G3BP2: variants seen among roughly 807,000 people sequenced by gnomAD.
G3BP2 encodes the protein ras GTPase-activating protein-binding protein 2.
In G3BP2, 11 loss-of-function variants were observed where a neutral mutation model predicts 56.7. That is an observed-to-expected ratio of 0.19 (90% confidence interval 0.12 to 0.32). The LOEUF is 0.32. Among genes scored for constraint, G3BP2 ranks in the 10% least tolerant of loss-of-function variants. The pLI, the probability that G3BP2 is intolerant of heterozygous loss-of-function variation, is 1.00. For missense variants in G3BP2, 340 were observed against 610.9 expected (o/e 0.56, Z 4.67); for synonymous variants, 165 against 191.6 (o/e 0.86, Z 1.15).
intron 3 of G3BP2, 150 bp downstream of exon 3, chr4:75,658,693 C>T: frequency 1.6e-6 from 1 of 617,950 alleles, no homozygotes; most frequent in Non-Finnish European, 2.9e-6. Context: ...CACCACTGCA[C>T]TCCAGCCTGG....
At position 75,645,415 on chromosome 4, in the gene G3BP2, G is replaced by A. The variant is rs1171367979; in HGVS notation, c.*15C>T. ...AATAATGTACCACTGCCAAGACTTTGCCAACAGTGGAGCTTCAGCGACGCT... is the reference window on the plus strand; with the variant it reads ...AATAATGTACCACTGCCAAGACTTTACCAACAGTGGAGCTTCAGCGACGCT... On this transcript the variant is annotated 3_prime_UTR_variant, in exon 12 of 12. Coordinates refer to ENST00000359707, the MANE Select transcript of G3BP2 (RefSeq NM_203505.3). 10 of 1,605,884 alleles carry A rather than the reference G, an allele frequency of 6.2e-6. No individual in the cohort carries two copies. The highest frequency in any genetic ancestry group is 1.7e-5 in the Admixed American group (1 of 58,746).
At chr4:75,723,305 T>G (rs1408991356) in intron 1 of G3BP2, among the ~76,000 whole-genome samples, 2 of 152,162 alleles carry the variant, frequency 1.3e-5, no homozygotes, top group Non-Finnish European at 2.9e-5. Context: ...TGGAGGATTT[T>G]AAGAGGAATG....
Position 75,645,374 on chromosome 4 carries a change from G to C in G3BP2, c.*56C>G. On this transcript the variant is annotated 3_prime_UTR_variant, in exon 12 of 12. Transcript: ENST00000359707. ...CCAAAGCCAAAAAAAAAATTAACAAGAATGCAAACACGATGAATAATGTAC... is the reference window on the plus strand; with the variant it reads ...CCAAAGCCAAAAAAAAAATTAACAACAATGCAAACACGATGAATAATGTAC... 6.7e-7 allele frequency: 1 copy of C among 1,495,142 alleles called. No individual in the cohort carries two copies. Among genetic ancestry groups the C allele is most frequent in the Non-Finnish European group, 9.0e-7 (1 of 1,107,336 alleles). 92.6% of individuals were successfully genotyped at this position (1,495,142 alleles called of 1,614,324 possible).
At chr4:75,678,603 C>A (rs1367718959) in intron 3 of G3BP2, among the ~76,000 whole-genome samples, 1 of 152,072 alleles carries the variant, frequency 6.6e-6, no homozygotes, top group Non-Finnish European at 1.5e-5. Context: ...TCACTTGAAC[C>A]CAGGAGTTTG....
chr4:75,657,737 TA>T lies in G3BP2; in HGVS notation c.178-8del. 6.3e-7 allele frequency: 1 copy of T among 1,587,446 alleles called. No homozygotes were observed. Among genetic ancestry groups the T allele is most frequent in the Non-Finnish European group, 8.6e-7 (1 of 1,158,942 alleles). ...ATACTTTGTGGTGTATATCCTTTAT[TA>T]GGGAGGGAGGGAAAAATATAAACTC... On this transcript the variant is annotated splice_polypyrimidine_tract_variant and splice_region_variant and intron_variant, in intron 3 of 11. Coordinates refer to ENST00000359707, the MANE Select transcript of G3BP2 (RefSeq NM_203505.3).
In G3BP2 at chr4:75,648,733, G is replaced by A. The variant is rs139334533; in HGVS notation, c.834C>T (p.Val278=). The change falls in exon 9 of 12, where the codon GTC becomes GTT. Residue 278 remains valine (V), a synonymous_variant. Coordinates refer to ENST00000359707, the MANE Select transcript of G3BP2 (RefSeq NM_203505.3). The stretch of plus-strand genomic sequence containing the variant: ...GAGATTGAACTTCTGGTTTAGCTTC[G>A]ACTCTTGGCTAAAATATAAAGAAAA... The part of the protein sequence containing the change: ...HVKAPVSQPR[V]EAKPEVQSQP... 9.9e-4 allele frequency: 1,581 copies of A among 1,595,930 alleles called. 7 individuals are homozygous for A. Among genetic ancestry groups the A allele is most frequent in the Middle Eastern group, 1.7e-3 (10 of 6,000 alleles).
In G3BP2 at chr4:75,683,021, T is replaced by C. The variant is rs1272196357; in HGVS notation, c.-24-20972A>G. ...AGAAAGAAAGAAATCATGCAGCTGA[T>C]AGACACAGCGCATTGTGACTTTCTT... On this transcript the variant is annotated intron_variant, in intron 3 of 3. Transcript: ENST00000499709. Among the ~76,000 whole-genome samples, 7 of 151,016 alleles carry C rather than the reference T, an allele frequency of 4.6e-5. No homozygotes were observed. The East Asian group carries it at 1.4e-3, about 30-fold the overall frequency.
chr4:75,693,652 G>C (rs1024151752), intron 3 of G3BP2, among the ~76,000 whole-genome samples: 1 of 151,922 alleles, frequency 6.6e-6, no homozygotes, highest in Non-Finnish European at 1.5e-5. Context: ...AGCTGGGCGC[G>C]GTGGCGGGCA....
At chr4:75,673,587 CG>C, upstream of G3BP2, 1 of 1,231,880 alleles carries the variant, frequency 8.1e-7, no homozygotes, top group Admixed American at 4.2e-5. Flanking sequence ...CGCTCGCGCC[CG>C]GAAAGCCGGG....
intron 11 of G3BP2, among the ~76,000 whole-genome samples, chr4:75,645,954 G>A (rs1314544566): frequency 1.3e-5 from 2 of 152,104 alleles, no homozygotes; most frequent in East Asian, 1.9e-4. Flanking sequence ...GGGATTATAG[G>A]TGTCTACCAC....
chr4:75,720,185 C>T (rs1388613942), intron 3 of G3BP2, among the ~76,000 whole-genome samples: 1 of 151,928 alleles, frequency 6.6e-6, no homozygotes, highest in Non-Finnish European at 1.5e-5. Flanking sequence ...CTTTCTTGGA[C>T]TCTCCTCTCC....
At chr4:75,665,642 CAAACACACAA>C (rs765641802) in intron 1 of G3BP2, among the ~76,000 whole-genome samples, 9 of 26,062 alleles carry the variant, frequency 3.5e-4, no homozygotes, top group Non-Finnish European at 7.9e-4. Flanking sequence ...CACACACACA[CAAACACACAA>C]ACAAACACAC....
intron 2 of G3BP2, among the ~76,000 whole-genome samples, chr4:75,722,140 G>A (rs1422253722): frequency 6.6e-6 from 1 of 152,044 alleles, no homozygotes; most frequent in Non-Finnish European, 1.5e-5. Flanking sequence ...CTCTTCCTCT[G>A]AAATAAGGAG....
At chr4:75,685,511 A>AC (rs1296763965) in intron 3 of G3BP2, among the ~76,000 whole-genome samples, 1 of 151,960 alleles carries the variant, frequency 6.6e-6, no homozygotes, top group East Asian at 1.9e-4. Flanking sequence ...AAAAAAAAAA[A>AC]AAAAAAACCA....
upstream of G3BP2, chr4:75,674,067 A>C (rs1166688264): frequency 6.6e-6 from 1 of 152,250 alleles, no homozygotes; most frequent in African/African-American, 2.4e-5. Flanking sequence ...TAAAGCTAAA[A>C]GAAGGCCTGA....
upstream of G3BP2, among the ~76,000 whole-genome samples, chr4:75,677,679 C>A (rs1383807054): frequency 1.3e-5 from 2 of 152,094 alleles, no homozygotes. Context: ...GGAGTAAAAT[C>A]CAAGTCCTTA....
At chr4:75,645,882 C>T (rs1485260561) in intron 11 of G3BP2, among the ~76,000 whole-genome samples, 180 bp from the exon 12 acceptor site, 1 of 152,240 alleles carries the variant, frequency 6.6e-6, no homozygotes, top group East Asian at 1.9e-4. Context: ...ACAAGCATGG[C>T]TCACTGCAGC....
At chr4:75,660,918 C>A (rs1364474867) in intron 2 of G3BP2, among the ~76,000 whole-genome samples, 3 of 152,040 alleles carry the variant, frequency 2.0e-5, no homozygotes, top group African/African-American at 7.2e-5. Flanking sequence ...AAAAAACAAG[C>A]CTACAGATGT....
At position 75,694,529 on chromosome 4, in the gene G3BP2, G is replaced by A. The variant is rs191003599; in HGVS notation, c.-25+26348C>T. Among the ~76,000 whole-genome samples, 18 of 152,352 alleles carry A rather than the reference G, an allele frequency of 1.2e-4. No individual in the cohort carries two copies. The East Asian group carries it at 3.3e-3, about 28-fold the overall frequency. ...TGAGGCAGGAGAATGGCGCGAACCCGGTAGGCGGAGCTTGCACTGAGCCGA... is the reference window on the plus strand; with the variant it reads ...TGAGGCAGGAGAATGGCGCGAACCCAGTAGGCGGAGCTTGCACTGAGCCGA... On this transcript the variant is annotated intron_variant, in intron 3 of 3. Coordinates refer to the G3BP2 transcript ENST00000499709.
Sources: gnomAD v4.1 joint callset for allele counts (sites outside exome capture counted in the v4.1 genomes callset) on GRCh38, gnomAD v4.1.1 for gene constraint, MANE v1.5 for transcripts, NCBI Gene and HGNC (gene_info 2026-07-23, HGNC 2026-07-21) for gene names.